Variants in KCNIP4 observed in about 807,000 individuals in gnomAD.
KCNIP4 encodes the protein potassium voltage-gated channel interacting protein 4.
KCNIP4 carries 12 observed loss-of-function variants against 34.0 expected under a neutral mutation model. That is an observed-to-expected ratio of 0.35 (90% CI 0.23 to 0.57). The LOEUF (loss-of-function observed/expected upper bound fraction) is 0.57. Among genes scored for constraint, KCNIP4 ranks in the 20% least tolerant of loss-of-function variants. KCNIP4 has a pLI of 0.83. For synonymous variants in KCNIP4, 124 were observed against 102.2 expected (o/e 1.21, Z -1.29); for missense variants, 238 against 311.7 (o/e 0.76, Z 1.78).
intron 3 of KCNIP4, among the ~76,000 whole-genome samples, chr4:20,812,829 T>A (rs1445348608): frequency 6.6e-6 from 1 of 152,010 alleles, no homozygotes; most frequent in Non-Finnish European, 1.5e-5. Context: ...GGACCTAAGT[T>A]AAATACTAAG....
chr4:21,696,015 G>A lies in KCNIP4; in HGVS notation c.61+252556C>T, dbSNP rs1025910887. ...CGTGAGAAACACCACAGAGCTCCGA[G>A]TTGGCAAAAGTCAGATACAGACTCT... On this transcript the variant is annotated intron_variant, in intron 1 of 8. Coordinates refer to ENST00000382152, the MANE Select transcript of KCNIP4 (RefSeq NM_025221.6). Among the ~76,000 whole-genome samples the A allele has an allele frequency of 3.3e-5, 5 of 152,176 alleles. No homozygotes were observed. The South Asian group carries it at 1.0e-3, about 32-fold the overall frequency.
At chr4:21,001,427 T>C (rs1206626702) in intron 1 of KCNIP4, among the ~76,000 whole-genome samples, 1 of 152,166 alleles carries the variant, frequency 6.6e-6, no homozygotes, top group South Asian at 2.1e-4. Context: ...TTAATGTTTA[T>C]TTGGGTGATA....
chr4:21,754,432 A>G (rs1452378981), intron 1 of KCNIP4, among the ~76,000 whole-genome samples: 1 of 152,228 alleles, frequency 6.6e-6, no homozygotes, highest in East Asian at 1.9e-4. Context: ...CTGGCTTATT[A>G]TAGGAGATGA....
chr4:21,422,631 T>C (rs1355010267), intron 1 of KCNIP4, among the ~76,000 whole-genome samples: 1 of 150,870 alleles, frequency 6.6e-6, no homozygotes, highest in Non-Finnish European at 1.5e-5. Flanking sequence ...ATTGAAGTAG[T>C]TGGGGGAAAC....
chr4:21,151,863 C>T (rs1752781159), intron 1 of KCNIP4, among the ~76,000 whole-genome samples: 1 of 152,072 alleles, frequency 6.6e-6, no homozygotes, highest in African/African-American at 2.4e-5. Context: ...GGGACTTAGC[C>T]CTTTTTCTCC....
intron 1 of KCNIP4, among the ~76,000 whole-genome samples, chr4:21,103,992 C>T (rs1748230526): frequency 6.6e-6 from 1 of 152,070 alleles, no homozygotes; most frequent in South Asian, 2.1e-4. Context: ...CATTGTTGGA[C>T]ATTTGGGTTG....
chr4:21,737,764 C>A (rs553523678), intron 1 of KCNIP4, among the ~76,000 whole-genome samples: 1 of 152,120 alleles, frequency 6.6e-6, no homozygotes, highest in East Asian at 1.9e-4. Context: ...AAATACTCTG[C>A]GGAACCTAAA....
intron 1 of KCNIP4, among the ~76,000 whole-genome samples, chr4:21,104,850 G>A (rs982353975): frequency 2.0e-5 from 3 of 151,586 alleles, no homozygotes; most frequent in African/African-American, 7.3e-5. Flanking sequence ...ATTAAATAGG[G>A]AATCCTTTCC....
At chr4:21,271,866 A>C (rs1326052643) in intron 1 of KCNIP4, among the ~76,000 whole-genome samples, 1 of 152,210 alleles carries the variant, frequency 6.6e-6, no homozygotes, top group Non-Finnish European at 1.5e-5. Context: ...AATCATTACC[A>C]ATCAAGAAAG....
intron 1 of KCNIP4, among the ~76,000 whole-genome samples, chr4:21,460,903 T>C (rs934093908): frequency 2.6e-5 from 4 of 152,050 alleles, no homozygotes; most frequent in East Asian, 1.9e-4. Context: ...ATGATGTGGT[T>C]TGTGGACCAG....
intron 1 of KCNIP4, among the ~76,000 whole-genome samples, chr4:21,214,317 T>C (rs1360968872): frequency 6.6e-6 from 1 of 152,206 alleles, no homozygotes; most frequent in African/African-American, 2.4e-5. Flanking sequence ...TCCATATCCC[T>C]GTCTCCTCTC....
intron 1 of KCNIP4, among the ~76,000 whole-genome samples, chr4:20,925,362 G>A (rs6856384): frequency 0.14 from 20,646 of 152,000 alleles, 1,987 homozygotes; most frequent in African/African-American, 0.28. Context: ...GATACAGGTC[G>A]TAAAGAACTT....
At position 20,731,013 on chromosome 4, in the gene KCNIP4, T is replaced by G. The variant is rs143645781; in HGVS notation, c.706-884A>C. Among the ~76,000 whole-genome samples, 357 of 152,278 alleles carry G rather than the reference T, an allele frequency of 2.3e-3. 2 individuals are homozygous for G. The highest frequency in any genetic ancestry group is 7.6e-3 in the African/African-American group (314 of 41,562). On this transcript the variant is annotated intron_variant, in intron 8 of 8. Transcript: ENST00000382152. ...ATCCAGAAAAGTAAGAACAACAATT[T>G]AAAAATAAAGAGAAAAACTAAAGAA...
chr4:21,088,479 C>G (rs1445126802), intron 1 of KCNIP4, among the ~76,000 whole-genome samples: 1 of 152,120 alleles, frequency 6.6e-6, no homozygotes, highest in Non-Finnish European at 1.5e-5. Flanking sequence ...ACAATGACCA[C>G]AAGATATCAA....
chr4:21,099,651 T>G (rs375042469), intron 1 of KCNIP4, among the ~76,000 whole-genome samples: 160 of 152,014 alleles, frequency 1.1e-3, no homozygotes, highest in East Asian at 8.3e-3. Context: ...AAGAAAGAAA[T>G]AAATTTCTTA....
chr4:21,226,280 A>G (rs1758386020), intron 1 of KCNIP4, among the ~76,000 whole-genome samples: 1 of 124,830 alleles, frequency 8.0e-6, no homozygotes, highest in Non-Finnish European at 1.6e-5. Flanking sequence ...GGCGGGAGAC[A>G]GAGAGAGAGA....
intron 1 of KCNIP4, among the ~76,000 whole-genome samples, chr4:21,946,706 T>C (rs563410635): frequency 1.3e-5 from 2 of 152,320 alleles, no homozygotes; most frequent in Admixed American, 1.3e-4. Context: ...AACTAAAAAT[T>C]TGTGAATACA....
At chr4:21,765,648 A>G (rs1217106289) in intron 1 of KCNIP4, among the ~76,000 whole-genome samples, 4 of 151,168 alleles carry the variant, frequency 2.6e-5, no homozygotes, top group African/African-American at 9.7e-5. Flanking sequence ...GTGTTAATAC[A>G]TATAAATGGG....
chr4:21,781,170 G>C (rs1719551732), intron 1 of KCNIP4, among the ~76,000 whole-genome samples: 1 of 152,132 alleles, frequency 6.6e-6, no homozygotes, highest in East Asian at 1.9e-4. Context: ...CCCCCATGCT[G>C]TTCTCATGAT....
Sources: gnomAD v4.1 joint callset for allele counts (sites outside exome capture counted in the v4.1 genomes callset) on GRCh38, gnomAD v4.1.1 for gene constraint, MANE v1.5 for transcripts, NCBI Gene and HGNC (gene_info 2026-07-23, HGNC 2026-07-21) for gene names.